Variants in GCFC2 observed in about 807,000 individuals in gnomAD.
The protein encoded by GCFC2 is intron Large complex component GCFC2.
Under a neutral mutation model 99.4 loss-of-function variants are expected in GCFC2, and 102 were observed. The observed-to-expected ratio is 1.03, with a 90% CI of 0.87 to 1.21. The LOEUF (loss-of-function observed/expected upper bound fraction) is 1.21. GCFC2 is among the 50% of genes most tolerant of loss of function. GCFC2 has a pLI of 0.00. For synonymous variants in GCFC2, 338 were observed against 316.8 expected (o/e 1.07, Z -0.71); for missense variants, 973 against 920.9 (o/e 1.06, Z -0.73).
chr2:75,667,285 G>T (rs1169343988), intron 15 of GCFC2, among the ~76,000 whole-genome samples: 5 of 152,048 alleles, frequency 3.3e-5, no homozygotes, highest in Admixed American at 6.5e-5. Context: ...TGGAAACCTG[G>T]CCTGTCACAA....
At chr2:75,670,425 T>G in intron 14 of GCFC2, 141 bp from the exon 15 acceptor site, 1 of 543,358 alleles carries the variant, frequency 1.8e-6, no homozygotes, top group Non-Finnish European at 3.3e-6. Context: ...GAATACAATA[T>G]CTCTGAATAA....
chr2:75,700,067 AT>A (rs1680513912), intron 4 of GCFC2, among the ~76,000 whole-genome samples: 1 of 151,842 alleles, frequency 6.6e-6, no homozygotes, highest in Non-Finnish European at 1.5e-5. Flanking sequence ...TGACTGGCTA[AT>A]TTTTGTATTT....
intron 11 of GCFC2, among the ~76,000 whole-genome samples, chr2:75,686,828 C>T (rs1434375682): frequency 2.0e-5 from 3 of 152,180 alleles, no homozygotes; most frequent in Non-Finnish European, 4.4e-5. Flanking sequence ...GAAACGGATC[C>T]TTATCAAGTA....
At position 75,690,001 on chromosome 2, in the gene GCFC2, G is replaced by A. The variant is rs1194320332; in HGVS notation, c.1307C>T (p.Ser436Leu). 3 of 1,604,190 alleles carry A rather than the reference G, an allele frequency of 1.9e-6. No individual in the cohort carries two copies. Among genetic ancestry groups the A allele is most frequent in the Non-Finnish European group, 2.6e-6 (3 of 1,172,564 alleles). Reference sequence around the variant, plus strand: ...TTTTTGGAAGTCAATCATCTCTGCTGAAGGCAGTTCATCATCACTAGATGT... The same window carrying A: ...TTTTTGGAAGTCAATCATCTCTGCTAAAGGCAGTTCATCATCACTAGATGT... The part of the protein sequence containing the change: ...EGTSSDDELP[S>L]AEMIDFQKSQ... Residue 436 changes from serine (S) to leucine (L), a missense_variant, in exon 9 of 17, where the codon TCA (serine) becomes TTA (leucine). Transcript: ENST00000321027.
In GCFC2 at chr2:75,666,177, A is replaced by T. The variant is rs73936773; in HGVS notation, c.2104-124T>A. 2.1e-3 allele frequency: 1,412 copies of T among 660,056 alleles called. 13 individuals carry two copies. The African/African-American group carries it at 0.024, about 11-fold the overall frequency. The allele number at this position is 660,056 out of a possible 1,614,324, so 40.9% of individuals were successfully genotyped here. On this transcript the variant is annotated intron_variant, in intron 15 of 16. Transcript: ENST00000321027. ...CCCATTTTATAGTTTATGGTTAAATAAAAATTTCTAAAGATTTCCCTTTGT... is the reference window on the plus strand; with the variant it reads ...CCCATTTTATAGTTTATGGTTAAATTAAAATTTCTAAAGATTTCCCTTTGT...
intron 4 of GCFC2, among the ~76,000 whole-genome samples, chr2:75,697,221 C>T (rs1158948079): frequency 6.6e-6 from 1 of 152,182 alleles, no homozygotes; most frequent in African/African-American, 2.4e-5. Flanking sequence ...TCAAAAGATC[C>T]TGAAGAACCT....
chr2:75,686,747 A>C (rs1679832615), intron 11 of GCFC2, among the ~76,000 whole-genome samples: 1 of 152,078 alleles, frequency 6.6e-6, no homozygotes, highest in Admixed American at 6.6e-5. Context: ...CTGTCTCAAA[A>C]ACAAACACAC....
Position 75,701,906 on chromosome 2 carries a change from C to A in GCFC2, c.619+293G>T, listed in dbSNP as rs777443761. 331 of 1,120,682 alleles carry A rather than the reference C, an allele frequency of 3.0e-4. 2 individuals carry two copies. The highest frequency in any genetic ancestry group is 7.8e-4 in the Middle Eastern group (2 of 2,578). The allele number at this position is 1,120,682 out of a possible 1,614,324, so 69.4% of individuals were successfully genotyped here. A position where few individuals can be genotyped will look rare whatever the true frequency, so the allele number is the denominator to read the frequency against. ...AAAAATATATTTATACAGGTAAAAA[C>A]GATCGTTTTCAATGCTTTGAAAGTA... On this transcript the variant is annotated intron_variant, in intron 3 of 16. Coordinates refer to ENST00000321027, the MANE Select transcript of GCFC2 (RefSeq NM_003203.5).
intron 12 of GCFC2, among the ~76,000 whole-genome samples, chr2:75,674,656 C>G (rs1386633130): frequency 5.3e-5 from 8 of 151,790 alleles, no homozygotes; most frequent in Non-Finnish European, 1.0e-4. Context: ...AAATGGCATA[C>G]TACACATTAG....
rs146408171 is a variant in GCFC2, at chr2:75,664,739, G to C, written c.2273C>G (p.Ala758Gly). 32 of 1,572,280 alleles carry C rather than the reference G, an allele frequency of 2.0e-5. No individual in the cohort carries two copies. The African/African-American group carries it at 3.5e-4, about 17-fold the overall frequency. The change falls in exon 17 of 17, where the codon GCT (alanine) becomes GGT (glycine). Residue 758 changes from alanine to glycine, a missense_variant. Ala to Gly is a moderately conservative substitution (Grantham distance 60, BLOSUM62 0). Coordinates refer to ENST00000321027, the MANE Select transcript of GCFC2 (RefSeq NM_003203.5). ...TATGAAGGATTCTGCTTGATTCAAA[G>C]CTTTTATTTTCACCAAAATAAGAAT... Reference protein sequence around the residue: ...EIILILVKIKALNQAESFIGE... With the variant: ...EIILILVKIKGLNQAESFIGE...
chr2:75,666,779 GA>G (rs902224112), intron 15 of GCFC2, among the ~76,000 whole-genome samples: 1 of 151,034 alleles, frequency 6.6e-6, no homozygotes, highest in Non-Finnish European at 1.5e-5. Flanking sequence ...GGGGAGAAAG[GA>G]AAAAAACTTG....
intron 12 of GCFC2, among the ~76,000 whole-genome samples, chr2:75,679,461 T>G (rs1418954813): frequency 6.6e-6 from 1 of 152,108 alleles, no homozygotes; most frequent in African/African-American, 2.4e-5. Context: ...AATGAAAGAG[T>G]GAGAAGATTC....
intron 11 of GCFC2, among the ~76,000 whole-genome samples, chr2:75,685,934 A>C (rs966244045): frequency 2.6e-5 from 4 of 152,154 alleles, no homozygotes; most frequent in African/African-American, 9.7e-5. Flanking sequence ...GCTCAGGCCA[A>C]TTCCTCAATG....
chr2:75,709,529 T>C (rs1035507574), intron 1 of GCFC2, among the ~76,000 whole-genome samples: 1 of 151,642 alleles, frequency 6.6e-6, no homozygotes, highest in South Asian at 2.1e-4. Context: ...AAGCAGAGAG[T>C]CGAGTAGTGG....
At chr2:75,672,625 C>A (rs932142322) in intron 13 of GCFC2, among the ~76,000 whole-genome samples, 1 of 152,072 alleles carries the variant, frequency 6.6e-6, no homozygotes, top group Admixed American at 6.6e-5. Flanking sequence ...GATCATACAT[C>A]AAATACTCGT....
In GCFC2 at chr2:75,690,028, C is replaced by T. The variant is rs1475168127; in HGVS notation, c.1280G>A (p.Gly427Glu). ...AGGCAGTTCATCATCACTAGATGTT[C>T]CTTCCTGATGGTTACAATTCCCAGA... ...VLSGNCNHQE[G>E]TSSDDELPSA... The change falls in exon 9 of 17, where the codon GGA (glycine) becomes GAA (glutamate). Residue 427 changes from glycine to glutamate, a missense_variant. Coordinates refer to ENST00000321027, the MANE Select transcript of GCFC2 (RefSeq NM_003203.5). The T allele has an allele frequency of 1.5e-5, 24 of 1,610,534 alleles. No homozygotes were observed. Among genetic ancestry groups the T allele is most frequent in the Non-Finnish European group, 2.0e-5 (24 of 1,178,084 alleles).
chr2:75,689,329 T>C (rs1679953094), intron 9 of GCFC2, 104 bp from the exon 10 acceptor site: 1 of 595,536 alleles, frequency 1.7e-6, no homozygotes, highest in Non-Finnish European at 2.9e-6. Context: ...AGCTAAAATT[T>C]GTCCTTTTAT....
chr2:75,664,607 C>G lies in GCFC2; in HGVS notation c.*59G>C. The G allele has an allele frequency of 1.3e-6, 1 of 773,156 alleles. No homozygotes were observed. Among genetic ancestry groups the G allele is most frequent in the African/African-American group, 1.7e-5 (1 of 57,218 alleles). 47.9% of individuals were successfully genotyped at this position (773,156 alleles called of 1,614,324 possible). On this transcript the variant is annotated 3_prime_UTR_variant, in exon 17 of 17. Transcript: ENST00000321027. ...GAAGAGAGAGGCACCAGCTTCTTCT[C>G]AAACAAAGGAACTGAGTGTAACTAT...
Position 75,680,419 on chromosome 2 carries a change from A to C in GCFC2, c.1691-105T>G, listed in dbSNP as rs965704064. ...ACAAACACTACTTCCCTCCTTATTC[A>C]GTTTAAGTTCCATGGCCAATTATTA... On this transcript the variant is annotated intron_variant, in intron 11 of 16. Coordinates refer to ENST00000321027, the MANE Select transcript of GCFC2 (RefSeq NM_003203.5). The C allele has an allele frequency of 1.4e-5, 12 of 836,678 alleles. No individual in the cohort carries two copies. In the African/African-American group the frequency reaches 2.1e-4, roughly 14 times the overall value. The allele number at this position is 836,678 out of a possible 1,614,324, so 51.8% of individuals were successfully genotyped here. A position where few individuals can be genotyped will look rare whatever the true frequency, so the allele number is the denominator to read the frequency against.
Sources: gnomAD v4.1 joint callset for allele counts (sites outside exome capture counted in the v4.1 genomes callset) on GRCh38, gnomAD v4.1.1 for gene constraint, MANE v1.5 for transcripts, NCBI Gene and HGNC (gene_info 2026-07-23, HGNC 2026-07-21) for gene names.